Variants in MTSS1 observed in about 807,000 individuals in gnomAD.
MTSS1 encodes MTSS I-BAR domain containing 1.
A neutral mutation model predicts 79.0 loss-of-function variants in MTSS1; 18 were observed. The observed-to-expected ratio is 0.23, with a 90% CI of 0.16 to 0.34. The LOEUF (loss-of-function observed/expected upper bound fraction) is 0.34. MTSS1 is among the 10% of genes least tolerant of loss of function. The pLI is 1.00. For missense variants in MTSS1, 815 were observed against 986.2 expected (o/e 0.83, Z 2.33); for synonymous variants, 341 against 368.6 (o/e 0.93, Z 0.86).
intron 3 of MTSS1, among the ~76,000 whole-genome samples, chr8:124,605,611 G>GCGCTGCCTCCCTCCCTGCCCTCT (rs1554667735): frequency 3.4e-4 from 37 of 109,534 alleles, no homozygotes; most frequent in African/African-American, 1.0e-3. Context: ...CCCTGCCCTC[G>GCGCTGCCTCCCTCCCTGCCCTCT]CGCTGCCTCC....
intron 6 of MTSS1, among the ~76,000 whole-genome samples, chr8:124,570,624 G>A (rs1373663139): frequency 6.6e-6 from 1 of 152,080 alleles, no homozygotes; most frequent in African/African-American, 2.4e-5. Context: ...AGGCATCCAC[G>A]GGGGGTCTTG....
chr8:124,699,388 CAG>C lies in MTSS1; in HGVS notation c.208+136_208+137del, dbSNP rs201786356. 994 of 706,298 alleles carry C rather than the reference CAG, an allele frequency of 1.4e-3. 28 individuals carry two copies. In the East Asian group the frequency reaches 0.025, roughly 18 times the overall value. The allele number at this position is 706,298 out of a possible 1,614,324, so 43.8% of individuals were successfully genotyped here. Reference sequence around the variant, plus strand: ...GCAACTTCTAATATGTGGAATCCCACAGAGTTTTAAAAAATGGGAAAATACGA... The same window carrying C: ...GCAACTTCTAATATGTGGAATCCCACAGTTTTAAAAAATGGGAAAATACGA... On this transcript the variant is annotated intron_variant, in intron 3 of 13. Coordinates refer to ENST00000518547, the MANE Select transcript of MTSS1 (RefSeq NM_014751.6).
At chr8:124,635,229 T>C (rs1816763811) in intron 3 of MTSS1, among the ~76,000 whole-genome samples, 1 of 152,202 alleles carries the variant, frequency 6.6e-6, no homozygotes, top group Non-Finnish European at 1.5e-5. Context: ...GGTAAAGGAA[T>C]AGCATTTCAG....
rs541495643 is a variant in MTSS1, at chr8:124,688,016, A to G, written c.208+11510T>C. 2.0e-5 allele frequency among the ~76,000 whole-genome samples: 3 copies of G among 152,314 alleles called. No individual in the cohort carries two copies. The East Asian group carries it at 5.8e-4, about 29-fold the overall frequency. ...AGTACCACCCGGGCGGCTGGATATT[A>G]GTTTCCATGGTAACCGAGGTCCCTG... On this transcript the variant is annotated intron_variant, in intron 3 of 13. Transcript: ENST00000518547.
intron 1 of MTSS1, among the ~76,000 whole-genome samples, chr8:124,725,520 G>A (rs1833570708): frequency 6.6e-6 from 1 of 152,066 alleles, no homozygotes; most frequent in Non-Finnish European, 1.5e-5. Context: ...TTATCAAGAT[G>A]GCATTCCAAA....
In MTSS1 at chr8:124,597,323, C is replaced by T. The variant is rs1320161899; in HGVS notation, c.209-6088G>A. ...GCAGTAGAGCCAAAATCCAAGCCTG[C>T]TTCTACGGATACCAAGGGCTCTCTC... On this transcript the variant is annotated intron_variant, in intron 3 of 13. Transcript: ENST00000518547. The surrounding 1 kb of genome is among the most constrained non-coding windows in gnomAD (Gnocchi z 4.6). 6.6e-6 allele frequency among the ~76,000 whole-genome samples: 1 copy of T among 152,192 alleles called. No individual in the cohort carries two copies. Among genetic ancestry groups the T allele is most frequent in the Admixed American group, 6.5e-5 (1 of 15,284 alleles).
At chr8:124,593,807 G>A (rs529722171) in intron 3 of MTSS1, among the ~76,000 whole-genome samples, 68 of 152,314 alleles carry the variant, frequency 4.5e-4, no homozygotes, top group Non-Finnish European at 8.7e-4. Context: ...AAGCTCCAGC[G>A]TCAATGCATT....
chr8:124,657,590 G>A (rs535158442), intron 3 of MTSS1, among the ~76,000 whole-genome samples: 52 of 152,160 alleles, frequency 3.4e-4, no homozygotes, highest in African/African-American at 1.2e-3. Flanking sequence ...AGACTCACCA[G>A]CAACACTGTG....
chr8:124,602,924 G>C (rs1047395487), intron 3 of MTSS1, among the ~76,000 whole-genome samples: 1 of 152,218 alleles, frequency 6.6e-6, no homozygotes, highest in East Asian at 1.9e-4. Flanking sequence ...GGCATCTCCT[G>C]TAATTGGAAA....
chr8:124,576,182 A>T (rs1291441375), intron 6 of MTSS1, among the ~76,000 whole-genome samples: 1 of 152,256 alleles, frequency 6.6e-6, no homozygotes, highest in African/African-American at 2.4e-5. Flanking sequence ...CAAGGCTACA[A>T]TCTGCATTCT....
At position 124,555,948 on chromosome 8, in the gene MTSS1, G is replaced by C. The variant is rs11985150; in HGVS notation, c.1405-44C>G. The C allele has an allele frequency of 5.3e-3, 8,453 of 1,594,758 alleles. 302 individuals carry two copies. In the African/African-American group the frequency reaches 0.089, roughly 17 times the overall value. On this transcript the variant is annotated intron_variant, in intron 12 of 13. Transcript: ENST00000518547. ...AAATACACAGGTTGCTTTAGGGGGG[G>C]GGCTCAACAGCACTCCTGTTCTGCC...
At chr8:124,573,816 G>A (rs569055504) in intron 6 of MTSS1, among the ~76,000 whole-genome samples, 2 of 152,228 alleles carry the variant, frequency 1.3e-5, no homozygotes, top group African/African-American at 4.8e-5. Flanking sequence ...TTTTTTCCTG[G>A]TGCTAGTTTC....
At chr8:124,708,694 C>T (rs969789897) in intron 1 of MTSS1, among the ~76,000 whole-genome samples, 41 of 152,034 alleles carry the variant, frequency 2.7e-4, no homozygotes, top group African/African-American at 9.9e-4. Flanking sequence ...ACCAAATTAG[C>T]AACAAAAGGA....
chr8:124,622,569 C>T (rs1015537257), intron 3 of MTSS1, among the ~76,000 whole-genome samples: 3 of 150,850 alleles, frequency 2.0e-5, no homozygotes, highest in African/African-American at 4.9e-5. Context: ...CCAAGGCAGG[C>T]GGATCACTTG....
At chr8:124,604,573 C>T (rs1834478536) in intron 3 of MTSS1, among the ~76,000 whole-genome samples, 2 of 152,048 alleles carry the variant, frequency 1.3e-5, no homozygotes, top group African/African-American at 4.8e-5. Flanking sequence ...AAGAGAAAAA[C>T]ATGCAGAAAA....
At chr8:124,702,880 A>G (rs1829897182) in intron 2 of MTSS1, among the ~76,000 whole-genome samples, 1 of 152,144 alleles carries the variant, frequency 6.6e-6, no homozygotes, top group African/African-American at 2.4e-5. Context: ...CTTCACCACA[A>G]TGATTTAAAA....
chr8:124,640,570 G>C (rs1326358397), intron 3 of MTSS1, among the ~76,000 whole-genome samples: 1 of 152,174 alleles, frequency 6.6e-6, no homozygotes, highest in African/African-American at 2.4e-5. Context: ...TTGAGATGGA[G>C]ACTCGCTCTG....
At chr8:124,580,290 T>A in intron 6 of MTSS1, 1 of 454,894 alleles carries the variant, frequency 2.2e-6, no homozygotes, top group South Asian at 2.9e-5. Context: ...TCCATGAGTC[T>A]AATATTGAAT....
intron 3 of MTSS1, among the ~76,000 whole-genome samples, chr8:124,647,203 C>T (rs1247210368): frequency 6.6e-5 from 10 of 152,154 alleles, no homozygotes; most frequent in Admixed American, 5.9e-4. Context: ...CTTCAAAGTA[C>T]ATTTTCATAC....
Sources: gnomAD v4.1 joint callset for allele counts (sites outside exome capture counted in the v4.1 genomes callset) on GRCh38, gnomAD v4.1.1 for gene constraint, Gnocchi (gnomAD v3.1) non-coding constraint, MANE v1.5 for transcripts, NCBI Gene and HGNC (gene_info 2026-07-23, HGNC 2026-07-21) for gene names.